The following TBCEL variants were observed in gnomAD, a reference collection of about 807,000 sequenced individuals.
TBCEL encodes tubulin folding cofactor E like, also known as tubulin-specific chaperone cofactor E-like protein.
A neutral mutation model predicts 44.2 loss-of-function variants in TBCEL; 15 were observed. The observed-to-expected ratio is 0.34, with a 90% confidence interval of 0.23 to 0.52. The LOEUF (loss-of-function observed/expected upper bound fraction) is 0.52, where lower values mean the gene tolerates loss of function less well. Ranked by LOEUF, TBCEL falls within the 20% of genes least tolerant of loss-of-function variation. The pLI, the probability that TBCEL is intolerant of heterozygous loss-of-function variation, is 0.95. For missense variants in TBCEL, 319 were observed against 506.3 expected (o/e 0.63, Z 3.55); for synonymous variants, 171 against 185.4 (o/e 0.92, Z 0.63).
At chr11:121,036,068 G>T (rs1272657055) in intron 1 of TBCEL, 1 of 152,136 alleles carries the variant, frequency 6.6e-6, no homozygotes, top group Non-Finnish European at 1.5e-5. Flanking sequence ...TAGCACGCTG[G>T]TAAGGCCACA....
rs2134948930 is a variant in TBCEL, at chr11:121,055,208, C to G, written c.612C>G (p.Thr204=). The part of the protein sequence containing the change: ...KLGVMFPSLD[T]LVLANNHLNA... ...GAGTTATGTTTCCTTCACTGGATACCCTCGTCCTGGCCAACAATCATTTGA... is the reference window on the plus strand; with the variant it reads ...GAGTTATGTTTCCTTCACTGGATACGCTCGTCCTGGCCAACAATCATTTGA... The change falls in exon 6 of 9, where the codon ACC becomes ACG. Residue 204 remains threonine, a synonymous_variant. Coordinates refer to ENST00000683345, the MANE Select transcript of TBCEL (RefSeq NM_001363644.2). 3 of 1,612,184 alleles carry G rather than the reference C, an allele frequency of 1.9e-6. No individual in the cohort carries two copies. The East Asian group carries it at 6.7e-5, about 36-fold the overall frequency.
At chr11:121,068,111 T>C (rs1945854468) in intron 8 of TBCEL, among the ~76,000 whole-genome samples, 1 of 152,204 alleles carries the variant, frequency 6.6e-6, no homozygotes, top group Non-Finnish European at 1.5e-5. Flanking sequence ...CTGCCAGATG[T>C]ATACATGCAG....
In TBCEL at chr11:121,053,819, T is replaced by TA. The variant is rs961539008; in HGVS notation, c.455+88dup. 180 of 1,373,932 alleles carry TA rather than the reference T, an allele frequency of 1.3e-4. No homozygotes were observed. The Admixed American group carries it at 2.4e-3, about 19-fold the overall frequency. 85.1% of individuals were successfully genotyped at this position (1,373,932 alleles called of 1,614,324 possible). On this transcript the variant is annotated intron_variant, in intron 5 of 8. Transcript: ENST00000683345. ...TACTGCTGATCTCCCACGCAAGAAA[T>TA]ACTAGAACTGCAGATTGAGTGGAGA...
chr11:121,029,172 T>A (rs1945098896), intron 1 of TBCEL, among the ~76,000 whole-genome samples: 1 of 152,214 alleles, frequency 6.6e-6, no homozygotes, highest in South Asian at 2.1e-4. Context: ...ACCTCCTTAG[T>A]GAAGACAGTC....
intron 2 of TBCEL, among the ~76,000 whole-genome samples, chr11:121,040,903 C>G (rs1945320397): frequency 6.6e-6 from 1 of 152,152 alleles, no homozygotes; most frequent in Admixed American, 6.5e-5. Context: ...GTCGATACTA[C>G]TTTTATTCAT....
At chr11:121,027,730 T>C (rs1204724729) in intron 1 of TBCEL, among the ~76,000 whole-genome samples, 1 of 152,222 alleles carries the variant, frequency 6.6e-6, no homozygotes, top group Non-Finnish European at 1.5e-5. Context: ...TTATGTTGTC[T>C]GTACTGCCTT....
intron 6 of TBCEL, among the ~76,000 whole-genome samples, chr11:121,057,314 C>T (rs1290707262): frequency 6.6e-6 from 1 of 151,652 alleles, no homozygotes; most frequent in African/African-American, 2.4e-5. Context: ...TAAAATTGAC[C>T]AGCTTCATTA....
intron 1 of TBCEL, among the ~76,000 whole-genome samples, chr11:121,026,256 C>T (rs1845875783): frequency 6.6e-6 from 1 of 152,140 alleles, no homozygotes; most frequent in South Asian, 2.1e-4. Flanking sequence ...CTTAATTCCC[C>T]TTACAAAAAT....
At chr11:121,066,760 A>G (rs1213118207) in intron 8 of TBCEL, among the ~76,000 whole-genome samples, 2 of 152,200 alleles carry the variant, frequency 1.3e-5, no homozygotes, top group African/African-American at 2.4e-5. Context: ...TTCTCTTCCA[A>G]ATTATATCCA....
At chr11:121,079,869 C>T (rs1201329956) in intron 8 of TBCEL, among the ~76,000 whole-genome samples, 1 of 152,168 alleles carries the variant, frequency 6.6e-6, no homozygotes, top group Admixed American at 6.5e-5. Flanking sequence ...GGCTGGAGTG[C>T]AGTGGTGCAA....
chr11:121,025,629 ACT>A (rs1264459287), intron 1 of TBCEL, among the ~76,000 whole-genome samples: 3 of 152,112 alleles, frequency 2.0e-5, no homozygotes, highest in African/African-American at 7.2e-5. Context: ...TTTGAAAAAC[ACT>A]GTTTCTGAAG....
At position 121,087,876 on chromosome 11, in the gene TBCEL, C is replaced by T. The variant is rs1462316965; in HGVS notation, c.*780C>T. 6.6e-6 allele frequency: 1 copy of T among 152,168 alleles called. No homozygotes were observed. The highest frequency in any genetic ancestry group is 1.5e-5 in the Non-Finnish European group (1 of 68,038). The allele number at this position is 152,168 out of a possible 1,614,324, so 9.4% of individuals were successfully genotyped here. The stretch of plus-strand genomic sequence containing the variant: ...TGTTACTAACTCACTTTTAATGTCC[C>T]TGTACATTATGTCAGCCATTACTTT... On this transcript the variant is annotated 3_prime_UTR_variant, in exon 9 of 9. Coordinates refer to ENST00000683345, the MANE Select transcript of TBCEL (RefSeq NM_001363644.2).
chr11:121,080,885 G>A (rs770074381), intron 8 of TBCEL, among the ~76,000 whole-genome samples: 15 of 152,196 alleles, frequency 9.9e-5, no homozygotes, highest in Non-Finnish European at 1.9e-4. Flanking sequence ...CTGCTGTTAT[G>A]TAACATTAGA....
At chr11:121,035,473 A>T (rs1357821763) in intron 1 of TBCEL, 4 of 143,502 alleles carry the variant, frequency 2.8e-5, no homozygotes, top group Non-Finnish European at 6.1e-5. Flanking sequence ...ACAAACGTGG[A>T]TTTTTTTTTT....
rs1345060984 is a variant in TBCEL at position 121,055,260 on chromosome 11, T to C, written c.664T>C (p.Leu222=). 10 of 1,611,608 alleles carry C rather than the reference T, an allele frequency of 6.2e-6. No homozygotes were observed. The highest frequency in any genetic ancestry group is 2.7e-5 in the African/African-American group (2 of 74,734). Residue 222 remains leucine (L), a synonymous_variant, in exon 6 of 9, where the codon TTG becomes CTG. Transcript: ENST00000683345. ...LNAIEEPDDS[L]ARLFPNLRSI... Reference sequence around the variant, plus strand: ...TGCTATTGAGGAGCCTGATGATTCATTGGCCAGGTTGTTTCCTAATCTTCG... The same window carrying C: ...TGCTATTGAGGAGCCTGATGATTCACTGGCCAGGTTGTTTCCTAATCTTCG...
In TBCEL at chr11:121,086,818, T is replaced by C; in HGVS notation, c.997T>C (p.Leu333=). ...CACTAAATATGGGAAGTTGGAGCCT[T>C]TGGCAGAAGTGGACCTAAGACCCCA... is the stretch of plus-strand genomic sequence containing the variant. The part of the protein sequence containing the change: ...LITKYGKLEP[L]AEVDLRPQSS... The change falls in exon 9 of 9, where the codon TTG becomes CTG. Residue 333 remains leucine, a synonymous_variant. Transcript: ENST00000683345. 6.2e-7 allele frequency: 1 copy of C among 1,613,964 alleles called. No homozygotes were observed. Among genetic ancestry groups the C allele is most frequent in the Non-Finnish European group, 8.5e-7 (1 of 1,179,942 alleles).
chr11:121,077,782 G>A (rs184934688), intron 8 of TBCEL, among the ~76,000 whole-genome samples: 3 of 151,862 alleles, frequency 2.0e-5, no homozygotes, highest in Non-Finnish European at 2.9e-5. Flanking sequence ...AATACATTCT[G>A]TAATTGGGAT....
intron 8 of TBCEL, 142 bp downstream of exon 8, chr11:121,060,227 C>T: frequency 1.6e-6 from 1 of 614,474 alleles, no homozygotes; most frequent in East Asian, 2.7e-5. Context: ...GGAAGAAACA[C>T]AAGAGCAAAC....
chr11:121,045,012 C>T (rs895764035), intron 2 of TBCEL, among the ~76,000 whole-genome samples: 13 of 152,212 alleles, frequency 8.5e-5, no homozygotes, highest in East Asian at 5.8e-4. Flanking sequence ...TTCAGCAATT[C>T]GTCCCACTTT....
Sources: gnomAD v4.1 joint callset for allele counts (sites outside exome capture counted in the v4.1 genomes callset) on GRCh38, gnomAD v4.1.1 for gene constraint, MANE v1.5 for transcripts, NCBI Gene and HGNC (gene_info 2026-07-23, HGNC 2026-07-21) for gene names.